HEMK2: variants seen among roughly 807,000 people sequenced by gnomAD.
HEMK2 encodes HemK methyltransferase 2, ETF1 glutamine and histone H4 lysine, also known as methyltransferase HEMK2.
chr21:28,658,220 C>T, the HEMK2 span, among the ~76,000 whole-genome samples: 7 of 152,114 alleles, frequency 4.6e-5, no homozygotes, highest in South Asian at 2.1e-4. Context: ...CCATCCAAAA[C>T]CCAAACAATT....
the HEMK2 span, among the ~76,000 whole-genome samples, chr21:28,602,205 T>G: frequency 5.6e-4 from 85 of 152,340 alleles, 1 homozygote; most frequent in South Asian, 0.017. Context: ...ATATATGGAC[T>G]GTGTTTTTTA....
the HEMK2 span, among the ~76,000 whole-genome samples, chr21:28,789,445 A>G: frequency 6.6e-6 from 1 of 152,198 alleles, no homozygotes; most frequent in Non-Finnish European, 1.5e-5. Flanking sequence ...CCTAAGGGGC[A>G]TGGGAGAGGG....
the HEMK2 span, among the ~76,000 whole-genome samples, chr21:28,722,193 A>G: frequency 6.6e-6 from 1 of 152,104 alleles, no homozygotes; most frequent in Non-Finnish European, 1.5e-5. Context: ...TAGAGTAAAA[A>G]TATACCGATT....
the HEMK2 span, among the ~76,000 whole-genome samples, chr21:28,666,930 AT>A: frequency 2.6e-5 from 4 of 152,134 alleles, no homozygotes; most frequent in African/African-American, 9.6e-5. Flanking sequence ...ATCTGAAAGT[AT>A]TTTTTCTTCA....
At chr21:28,732,163 T>G in the HEMK2 span, among the ~76,000 whole-genome samples, 1 of 152,378 alleles carries the variant, frequency 6.6e-6, no homozygotes, top group Admixed American at 6.5e-5. Flanking sequence ...ACAATGGCTA[T>G]TTCTAGCCCT....
the HEMK2 span, among the ~76,000 whole-genome samples, chr21:28,779,448 T>C: frequency 6.6e-6 from 1 of 152,162 alleles, no homozygotes; most frequent in Non-Finnish European, 1.5e-5. Flanking sequence ...AGAATGATGG[T>C]TGCCAGAGGT....
At chr21:28,769,341 A>AC in the HEMK2 span, among the ~76,000 whole-genome samples, 1 of 152,026 alleles carries the variant, frequency 6.6e-6, no homozygotes, top group Non-Finnish European at 1.5e-5. Context: ...TTTGGAATTT[A>AC]CCTCTCAGCT....
At chr21:28,803,053 G>A in the HEMK2 span, among the ~76,000 whole-genome samples, 1 of 152,192 alleles carries the variant, frequency 6.6e-6, no homozygotes, top group South Asian at 2.1e-4. Flanking sequence ...CTAAGAATGG[G>A]TCAGGCACCT....
At chr21:28,613,356 T>C in the HEMK2 span, among the ~76,000 whole-genome samples, 1 of 152,026 alleles carries the variant, frequency 6.6e-6, no homozygotes, top group Admixed American at 6.6e-5. Context: ...ATAATGTAAC[T>C]GTGACTGTAC....
At chr21:28,681,119 T>G in the HEMK2 span, among the ~76,000 whole-genome samples, 1 of 152,208 alleles carries the variant, frequency 6.6e-6, no homozygotes, top group African/African-American at 2.4e-5. Context: ...ATTGTCCCTG[T>G]TTGCAGATGA....
At chr21:28,789,779 T>C in the HEMK2 span, among the ~76,000 whole-genome samples, 1 of 152,172 alleles carries the variant, frequency 6.6e-6, no homozygotes, top group African/African-American at 2.4e-5. Context: ...CCTGAATAAA[T>C]GTGAACCAAA....
chr21:28,641,411 G>T, the HEMK2 span, among the ~76,000 whole-genome samples: 1 of 152,180 alleles, frequency 6.6e-6, no homozygotes, highest in African/African-American at 2.4e-5. Context: ...ACAGACAAGG[G>T]CTGCAGAACC....
At chr21:28,855,586 T>C in the HEMK2 span, among the ~76,000 whole-genome samples, 1 of 152,188 alleles carries the variant, frequency 6.6e-6, no homozygotes, top group African/African-American at 2.4e-5. Flanking sequence ...ACATGGCACA[T>C]ACTCTAAAAT....
chr21:28,676,021 A>G, the HEMK2 span, among the ~76,000 whole-genome samples: 1 of 152,278 alleles, frequency 6.6e-6, no homozygotes, highest in South Asian at 2.1e-4. Context: ...GCTTAACCCC[A>G]ATTCCACTGT....
the HEMK2 span, among the ~76,000 whole-genome samples, chr21:28,774,430 G>T: frequency 1.3e-5 from 2 of 151,932 alleles, no homozygotes; most frequent in Admixed American, 1.3e-4. Flanking sequence ...TCCACAAAAA[G>T]TTTAAAAATT....
the HEMK2 span, among the ~76,000 whole-genome samples, chr21:28,822,778 T>C: frequency 6.6e-6 from 1 of 152,152 alleles, no homozygotes; most frequent in African/African-American, 2.4e-5. Context: ...ACTTGATATA[T>C]AAACTTTTGG....
At chr21:28,863,424 A>T in the HEMK2 span, among the ~76,000 whole-genome samples, 27 of 17,446 alleles carry the variant, frequency 1.5e-3, no homozygotes, top group African/African-American at 3.8e-3. Flanking sequence ...ATATATATAT[A>T]TATATATATA....
At chr21:28,637,085 A>T in the HEMK2 span, among the ~76,000 whole-genome samples, 3 of 152,172 alleles carry the variant, frequency 2.0e-5, 1 homozygote, top group Non-Finnish European at 2.9e-5. Flanking sequence ...TTCATGTGCA[A>T]ATCTTCTGCT....
At chr21:28,609,239 C>T in the HEMK2 span, among the ~76,000 whole-genome samples, 6 of 152,178 alleles carry the variant, frequency 3.9e-5, no homozygotes, top group African/African-American at 1.4e-4. Flanking sequence ...TTTGCCAACA[C>T]TCCCCAGTAC....
Sources: allele counts gnomAD v4.1 joint callset (sites outside exome capture counted in the v4.1 genomes callset), GRCh38; gene constraint gnomAD v4.1.1; transcripts MANE v1.5; gene names NCBI Gene and HGNC (gene_info 2026-07-23, HGNC 2026-07-21).